NAALADL2: variants seen among roughly 807,000 people sequenced by gnomAD.
NAALADL2 encodes inactive N-acetylated-alpha-linked acidic dipeptidase-like protein 2.
NAALADL2 carries 76 observed loss-of-function variants against 87.2 expected under a neutral mutation model. The observed-to-expected ratio is 0.87, with a 90% CI of 0.72 to 1.05. NAALADL2 has a LOEUF of 1.05. Among genes scored for constraint, NAALADL2 ranks in the 50% least tolerant of loss-of-function variants. NAALADL2 has a pLI of 0.00. For synonymous variants in NAALADL2, 354 were observed against 331.0 expected (o/e 1.07, Z -0.75); for missense variants, 1,089 against 945.8 (o/e 1.15, Z -1.99).
In NAALADL2 at chr3:175,596,044, T is replaced by C. The variant is rs148654450; in HGVS notation, c.1800+19857T>C. 6.0e-3 allele frequency among the ~76,000 whole-genome samples: 919 copies of C among 152,168 alleles called. 6 individuals are homozygous for C. Among genetic ancestry groups the C allele is most frequent in the African/African-American group, 0.021 (865 of 41,572 alleles). The stretch of plus-strand genomic sequence containing the variant: ...TAATTCCTTTTAATATTTTTAAATA[T>C]AGATTCAGAATACTTGATATTAAAT... On this transcript the variant is annotated intron_variant, in intron 10 of 13. Coordinates refer to ENST00000454872, the MANE Select transcript of NAALADL2 (RefSeq NM_207015.3).
At chr3:175,534,236 C>T (rs1375287842) in intron 9 of NAALADL2, among the ~76,000 whole-genome samples, 2 of 151,854 alleles carry the variant, frequency 1.3e-5, no homozygotes, top group Admixed American at 6.6e-5. Context: ...TCTGTATTAG[C>T]GTTCTCTAGA....
rs372335380 is a variant in NAALADL2 at position 175,275,763 on chromosome 3, G to A, written c.939+19233G>A. The stretch of plus-strand genomic sequence containing the variant: ...CCCTAAAATGCAAAGAACAAATAGG[G>A]TAATGCATGAAAACTCTAAGTACTA... On this transcript the variant is annotated intron_variant, in intron 4 of 13. Coordinates refer to ENST00000454872, the MANE Select transcript of NAALADL2 (RefSeq NM_207015.3). Among the ~76,000 whole-genome samples the A allele has an allele frequency of 4.0e-5, 6 of 151,792 alleles. 1 individual carries two copies. In the East Asian group the frequency reaches 1.2e-3, roughly 29 times the overall value.
chr3:175,014,130 C>T (rs773930730), intron 1 of NAALADL2, among the ~76,000 whole-genome samples: 1 of 151,998 alleles, frequency 6.6e-6, no homozygotes, highest in Non-Finnish European at 1.5e-5. Flanking sequence ...TGGCGGGTGT[C>T]CATATTATCT....
At chr3:175,647,272 A>C (rs1242189494) in intron 11 of NAALADL2, among the ~76,000 whole-genome samples, 1 of 152,070 alleles carries the variant, frequency 6.6e-6, no homozygotes, top group Non-Finnish European at 1.5e-5. Flanking sequence ...GTAATTGACA[A>C]TTTTTGCCAG....
At chr3:174,671,211 C>G (rs1252256312) in intron 2 of NAALADL2, among the ~76,000 whole-genome samples, 1 of 152,046 alleles carries the variant, frequency 6.6e-6, no homozygotes, top group South Asian at 2.1e-4. Flanking sequence ...CTAATACACT[C>G]AACCACATAC....
At chr3:175,258,957 G>T (rs1750553231) in intron 4 of NAALADL2, among the ~76,000 whole-genome samples, 2 of 152,196 alleles carry the variant, frequency 1.3e-5, no homozygotes, top group Admixed American at 1.3e-4. Flanking sequence ...AGCCAGTGTG[G>T]TCTGCCTTCA....
At chr3:175,011,989 C>T (rs1230502599) in intron 1 of NAALADL2, among the ~76,000 whole-genome samples, 2 of 152,064 alleles carry the variant, frequency 1.3e-5, no homozygotes, top group Non-Finnish European at 2.9e-5. Context: ...TTGCAAAAAC[C>T]TAATCTTTAG....
chr3:175,233,421 T>G (rs912196785), intron 2 of NAALADL2, among the ~76,000 whole-genome samples: 35 of 152,032 alleles, frequency 2.3e-4, no homozygotes, highest in African/African-American at 6.7e-4. Flanking sequence ...TATTAGTGGG[T>G]TTTTTTGTTT....
chr3:175,615,396 T>C (rs1396423121), intron 10 of NAALADL2, among the ~76,000 whole-genome samples: 2 of 152,186 alleles, frequency 1.3e-5, no homozygotes, highest in Non-Finnish European at 2.9e-5. Context: ...TTCTAGACAT[T>C]ATTTTTAAGA....
intron 9 of NAALADL2, among the ~76,000 whole-genome samples, chr3:175,559,540 T>C (rs561083029): frequency 9.3e-4 from 142 of 152,314 alleles, no homozygotes; most frequent in Admixed American, 7.0e-3. Context: ...AAAGGCTTTA[T>C]GTTTTTCCCC....
At chr3:175,143,059 G>C (rs1730233289) in intron 2 of NAALADL2, among the ~76,000 whole-genome samples, 1 of 151,878 alleles carries the variant, frequency 6.6e-6, no homozygotes, top group Non-Finnish European at 1.5e-5. Flanking sequence ...AAATTCTGAT[G>C]CTTGACATCA....
At chr3:174,788,722 A>T (rs756637876) in intron 3 of NAALADL2, among the ~76,000 whole-genome samples, 1 of 152,178 alleles carries the variant, frequency 6.6e-6, no homozygotes. Flanking sequence ...TAGGATTGGA[A>T]TAAGGAAAAA....
intron 1 of NAALADL2, among the ~76,000 whole-genome samples, chr3:174,939,893 A>G (rs1738301841): frequency 6.6e-6 from 1 of 152,132 alleles, no homozygotes; most frequent in Non-Finnish European, 1.5e-5. Context: ...TATCAGCTGA[A>G]GAAACTTTTG....
intron 5 of NAALADL2, among the ~76,000 whole-genome samples, chr3:175,371,594 G>A (rs538599609): frequency 9.9e-4 from 150 of 152,214 alleles, no homozygotes; most frequent in African/African-American, 3.2e-3. Context: ...GGAGGCCAAG[G>A]CGGGTGGATC....
chr3:175,232,249 A>AGAAAGAAGAAAGAG (rs1553824043), intron 2 of NAALADL2, among the ~76,000 whole-genome samples: 1 of 121,046 alleles, frequency 8.3e-6, no homozygotes, highest in African/African-American at 3.0e-5. Flanking sequence ...AGAAGAAAGA[A>AGAAAGAAGAAAGAG]CAAGAAGAAG....
intron 3 of NAALADL2, among the ~76,000 whole-genome samples, chr3:174,814,229 C>T (rs1720539513): frequency 6.6e-6 from 1 of 152,098 alleles, no homozygotes; most frequent in Admixed American, 6.6e-5. Context: ...CTGCCTCAGC[C>T]TCCCAAGTAG....
At chr3:174,529,337 G>C (rs2108436306) in intron 1 of NAALADL2, among the ~76,000 whole-genome samples, 1 of 152,284 alleles carries the variant, frequency 6.6e-6, no homozygotes, top group South Asian at 2.1e-4. Context: ...GTCTTGGGCT[G>C]CTCTGCCCCT....
At chr3:175,651,180 T>C (rs567494711) in intron 11 of NAALADL2, among the ~76,000 whole-genome samples, 58 of 152,302 alleles carry the variant, frequency 3.8e-4, no homozygotes, top group African/African-American at 1.3e-3. Context: ...GCCTTTTGCT[T>C]AATGGGATTT....
At chr3:174,784,211 A>G (rs1169817213) in intron 3 of NAALADL2, among the ~76,000 whole-genome samples, 3 of 152,200 alleles carry the variant, frequency 2.0e-5, no homozygotes, top group African/African-American at 7.2e-5. Context: ...ACACACTTCT[A>G]TAATAAAGAG....
Sources: allele counts gnomAD v4.1 joint callset (sites outside exome capture counted in the v4.1 genomes callset), GRCh38; gene constraint gnomAD v4.1.1; transcripts MANE v1.5; gene names NCBI Gene and HGNC (gene_info 2026-07-23, HGNC 2026-07-21).